Variants in GLIS2 observed in about 807,000 individuals in gnomAD.
GLIS2 encodes zinc finger protein GLIS2.
Under a neutral mutation model 35.6 loss-of-function variants are expected in GLIS2, and 14 were observed. The ratio of observed to expected loss-of-function variants is 0.39; its 90% CI spans 0.26 to 0.61. The LOEUF is 0.61. Ranked by LOEUF, GLIS2 falls within the 20% of genes least tolerant of loss-of-function variation. GLIS2 has a pLI of 0.48. For synonymous variants in GLIS2, 368 were observed against 325.1 expected (o/e 1.13, Z -1.42); for missense variants, 675 against 713.4 (o/e 0.95, Z 0.61).
In GLIS2 at chr16:4,336,652, G is replaced by A. The variant is rs904249238; in HGVS notation, c.776-73G>A. On this transcript the variant is annotated intron_variant, in intron 6 of 6. Transcript: ENST00000433375. ...CAGGGAGTGCTTGGCCCGGGGAAAT[G>A]TTGAGTGCATGGGGTGAGACCCAGG... 2.8e-6 allele frequency: 4 copies of A among 1,453,214 alleles called. No homozygotes were observed. The African/African-American group carries it at 5.6e-5, about 20-fold the overall frequency. 90.0% of individuals were successfully genotyped at this position (1,453,214 alleles called of 1,614,324 possible). A position where few individuals can be genotyped will look rare whatever the true frequency, so the allele number is the denominator to read the frequency against.
Position 4,338,043 on chromosome 16 carries a change from T to A in GLIS2, c.*519T>A. Reference sequence around the variant, plus strand: ...CCTTGGACCCCTTTCCCTCTGACCCTGCCTCCAGAGGGAAAGCAAGACAGA... The same window carrying A: ...CCTTGGACCCCTTTCCCTCTGACCCAGCCTCCAGAGGGAAAGCAAGACAGA... On this transcript the variant is annotated 3_prime_UTR_variant, in exon 7 of 7. Transcript: ENST00000433375. The A allele has an allele frequency of 5.3e-6, 1 of 189,732 alleles. No homozygotes were observed. The highest frequency in any genetic ancestry group is 1.1e-5 in the Non-Finnish European group (1 of 90,668). The allele number at this position is 189,732 out of a possible 1,614,324, so 11.8% of individuals were successfully genotyped here.
At chr16:4,330,968 T>C (rs1403161980) in intron 1 of GLIS2, among the ~76,000 whole-genome samples, 1 of 150,478 alleles carries the variant, frequency 6.6e-6, no homozygotes, top group Non-Finnish European at 1.5e-5. Context: ...TAAAAGCGTT[T>C]GGCTTTTTGT....
rs1268128848 is a variant in GLIS2 at position 4,337,180 on chromosome 16, C to G, written c.1231C>G (p.Leu411Val). The G allele has an allele frequency of 6.5e-7, 1 of 1,543,890 alleles. No homozygotes were observed. The highest frequency in any genetic ancestry group is 1.4e-5 in the African/African-American group (1 of 73,006). Residue 411 changes from leucine (L) to valine (V), a missense_variant, in exon 7 of 7, where the codon CTG (leucine) becomes GTG (valine). Physicochemically the swap from Leu to Val is conservative, Grantham distance 32. Coordinates refer to ENST00000433375, the MANE Select transcript of GLIS2 (RefSeq NM_032575.3). ...GLPGPVLPLN[L>V]AKNPLLPSPF... ...GCCAGGCCCCGTCCTGCCTCTCAATCTGGCCAAGAACCCGCTGCTGCCCTC... is the reference window on the plus strand; with the variant it reads ...GCCAGGCCCCGTCCTGCCTCTCAATGTGGCCAAGAACCCGCTGCTGCCCTC...
chr16:4,324,070 C>CGGCAGAG (rs1322899558), intron 1 of GLIS2, among the ~76,000 whole-genome samples: 1 of 152,204 alleles, frequency 6.6e-6, no homozygotes, highest in Non-Finnish European at 1.5e-5. Flanking sequence ...GAGGACCCCA[C>CGGCAGAG]GGCAGAGGGC....
chr16:4,336,580 T>C (rs1292842575), intron 6 of GLIS2, 145 bp from the exon 7 acceptor site: 2 of 806,976 alleles, frequency 2.5e-6, no homozygotes, highest in East Asian at 2.7e-5. Context: ...TCTCATGCCA[T>C]GTGCTGGGGA....
chr16:4,321,179 G>C (rs1169877820), intron 1 of GLIS2, among the ~76,000 whole-genome samples: 2 of 152,200 alleles, frequency 1.3e-5, no homozygotes, highest in Non-Finnish European at 2.9e-5. Flanking sequence ...GGCGTGGCAG[G>C]AGATGGAGCT....
chr16:4,320,462 G>A lies in GLIS2; in HGVS notation c.-67+4208G>A, dbSNP rs914751872. ...GAGACATTTGAGGGTTTGGCCCGAGGTCACTCCCAATCGGGGAAGAACAGA... is the reference window on the plus strand; with the variant it reads ...GAGACATTTGAGGGTTTGGCCCGAGATCACTCCCAATCGGGGAAGAACAGA... On this transcript the variant is annotated intron_variant, in intron 1 of 6. Transcript: ENST00000433375. The surrounding 1 kb of genome is among the most constrained non-coding windows in gnomAD (Gnocchi z 5.6). 2.0e-5 allele frequency among the ~76,000 whole-genome samples: 3 copies of A among 152,174 alleles called. No individual in the cohort carries two copies. Among genetic ancestry groups the A allele is most frequent in the African/African-American group, 7.2e-5 (3 of 41,446 alleles).
chr16:4,324,090 C>A (rs1244882874), intron 1 of GLIS2, among the ~76,000 whole-genome samples: 1 of 152,210 alleles, frequency 6.6e-6, no homozygotes, highest in East Asian at 1.9e-4. Context: ...CAGAGGTCAG[C>A]CCTGGCTGGG....
In GLIS2 at chr16:4,320,312, G is replaced by A. The variant is rs1385347394; in HGVS notation, c.-67+4058G>A. Among the ~76,000 whole-genome samples the A allele has an allele frequency of 2.6e-5, 4 of 152,126 alleles. No homozygotes were observed. The highest frequency in any genetic ancestry group is 7.2e-5 in the African/African-American group (3 of 41,424). On this transcript the variant is annotated intron_variant, in intron 1 of 6. Transcript: ENST00000433375. The surrounding 1 kb of genome is among the most constrained non-coding windows in gnomAD (Gnocchi z 5.6). ...GTCAGCCCCCGGCCGGGAGCCTCCGGAAAACAGTCCTGCCCGTCACATGGA... is the reference window on the plus strand; with the variant it reads ...GTCAGCCCCCGGCCGGGAGCCTCCGAAAAACAGTCCTGCCCGTCACATGGA...
intron 6 of GLIS2, 157 bp from the exon 7 acceptor site, chr16:4,336,568 G>C: frequency 1.3e-6 from 1 of 769,018 alleles, no homozygotes; most frequent in Non-Finnish European, 2.2e-6. Context: ...CCTGGGGGCA[G>C]ATCTCATGCC....
intron 1 of GLIS2, among the ~76,000 whole-genome samples, chr16:4,324,176 GC>G: frequency 6.6e-6 from 1 of 152,300 alleles, no homozygotes; most frequent in African/African-American, 2.4e-5. Context: ...CTGGCTGAGT[GC>G]CCCGTCTTGG....
chr16:4,337,339 C>A lies in GLIS2; in HGVS notation c.1390C>A (p.Pro464Thr). 6.3e-7 allele frequency: 1 copy of A among 1,587,982 alleles called. No homozygotes were observed. The highest frequency in any genetic ancestry group is 1.3e-5 in the African/African-American group (1 of 74,492). Residue 464 changes from proline (P) to threonine (T), a missense_variant, in exon 7 of 7, where the codon CCC (proline) becomes ACC (threonine). Physicochemically the swap from Pro to Thr is conservative, Grantham distance 38. Coordinates refer to ENST00000433375, the MANE Select transcript of GLIS2 (RefSeq NM_032575.3). ...CCTGGGCATGGAGGGCCACAAGACG[C>A]CCCTTGAAAGGACGGAGAGCAGCTG... ...RALGMEGHKT[P>T]LERTESSCSR...
rs887857146 is a variant in GLIS2, at chr16:4,320,273, G to A, written c.-67+4019G>A. Among the ~76,000 whole-genome samples, 11 of 152,134 alleles carry A rather than the reference G, an allele frequency of 7.2e-5. No homozygotes were observed. Among genetic ancestry groups the A allele is most frequent in the Admixed American group, 2.6e-4 (4 of 15,284 alleles). On this transcript the variant is annotated intron_variant, in intron 1 of 6. Transcript: ENST00000433375. The surrounding 1 kb of genome is among the most constrained non-coding windows in gnomAD (Gnocchi z 5.6). ...AAGCCAGCAGAGGCCCCAGGAGACCGCTGAGTGGACTGAGTCAGCCCCCGG... is the reference window on the plus strand; with the variant it reads ...AAGCCAGCAGAGGCCCCAGGAGACCACTGAGTGGACTGAGTCAGCCCCCGG...
intron 1 of GLIS2, among the ~76,000 whole-genome samples, chr16:4,330,548 G>A (rs913394697): frequency 2.0e-5 from 3 of 152,166 alleles, no homozygotes; most frequent in African/African-American, 7.2e-5. Context: ...CAGGGAGGGC[G>A]GTGGGGCCCC....
At chr16:4,325,103 T>G (rs1270013992) in intron 1 of GLIS2, among the ~76,000 whole-genome samples, 2 of 152,172 alleles carry the variant, frequency 1.3e-5, no homozygotes, top group African/African-American at 4.8e-5. Context: ...CCCTCGGCTC[T>G]CCAAGCCTCC....
chr16:4,316,236 G>A lies in GLIS2; in HGVS notation c.-85G>A, dbSNP rs1460204554. Among the ~76,000 whole-genome samples the A allele has an allele frequency of 7.3e-6, 1 of 137,326 alleles. No homozygotes were observed. Among genetic ancestry groups the A allele is most frequent in the African/African-American group, 2.6e-5 (1 of 37,782 alleles). The allele number at this position is 137,326 out of a possible 152,430, so 90.1% of individuals were successfully genotyped here. ...CGCCGGAGCCCGCAGCCCGGATCCC[G>A]ACCGCCCCCGCCGCTGAGGTAGGAA... On this transcript the variant is annotated 5_prime_UTR_variant, in exon 1 of 7. Coordinates refer to ENST00000433375, the MANE Select transcript of GLIS2 (RefSeq NM_032575.3).
chr16:4,337,276 G>T lies in GLIS2; in HGVS notation c.1327G>T (p.Glu443Ter). Residue 443 changes from glutamate to a stop codon, truncating the protein, a stop_gained, in exon 7 of 7, where the codon GAG becomes TAG. Coordinates refer to ENST00000433375, the MANE Select transcript of GLIS2 (RefSeq NM_032575.3). LOFTEE classifies it high-confidence loss of function. Reference sequence around the variant, plus strand: ...TGCTGGCGCAGCTGGTGGCAAGGCCGAGGGGGAGAAGGGGCGTGGGTCGGT... The same window carrying T: ...TGCTGGCGCAGCTGGTGGCAAGGCCTAGGGGGAGAAGGGGCGTGGGTCGGT... ...LLAGAAGGKA[E>*]GEKGRGSVPT... The T allele has an allele frequency of 6.4e-7, 1 of 1,550,976 alleles. No homozygotes were observed.
chr16:4,335,324 C>A lies in GLIS2; in HGVS notation c.706C>A (p.Arg236Ser). 2.5e-6 allele frequency: 4 copies of A among 1,613,852 alleles called. No homozygotes were observed. Among genetic ancestry groups the A allele is most frequent in the Non-Finnish European group, 3.4e-6 (4 of 1,180,026 alleles). Reference protein sequence around the residue: ...IRTHTNEKPHRCPTCSKSFSR... With the variant: ...IRTHTNEKPHSCPTCSKSFSR... The stretch of plus-strand genomic sequence containing the variant: ...CACACACACCAACGAGAAGCCACAC[C>A]GCTGTCCGACCTGCAGCAAGAGCTT... Residue 236 changes from arginine (R) to serine (S), a missense_variant, in exon 6 of 7, where the codon CGC becomes AGC. This residue lies in a region of GLIS2 where 133 missense variants were observed against 191.4 expected (regional missense o/e 0.69). Transcript: ENST00000433375. The surrounding 1 kb of genome is among the most constrained non-coding windows in gnomAD (Gnocchi z 4.6).
rs1596240557 is a variant in GLIS2 at position 4,333,425 on chromosome 16, C to T, written c.251C>T (p.Ser84Leu). The change falls in exon 3 of 7, where the codon TCA becomes TTA. Residue 84 changes from serine (S) to leucine (L), a missense_variant. Ser to Leu is a moderately radical substitution (Grantham distance 145). Transcript: ENST00000433375. Reference protein sequence around the residue: ...SAAPLVDLSLSPPSGLDSPNG... With the variant: ...SAAPLVDLSLLPPSGLDSPNG... Reference sequence around the variant, plus strand: ...GCCCCTCTCGTGGACCTCAGCCTGTCACCACCATCTGGGCTGGACTCCCCC... The same window carrying T: ...GCCCCTCTCGTGGACCTCAGCCTGTTACCACCATCTGGGCTGGACTCCCCC... 6.2e-7 allele frequency: 1 copy of T among 1,613,052 alleles called. No individual in the cohort carries two copies. Among genetic ancestry groups the T allele is most frequent in the Non-Finnish European group, 8.5e-7 (1 of 1,180,020 alleles).
Sources: allele counts gnomAD v4.1 joint callset (sites outside exome capture counted in the v4.1 genomes callset), GRCh38; gene constraint gnomAD v4.1.1; regional missense constraint gnomAD v4.1.1; non-coding constraint Gnocchi (gnomAD v3.1); transcripts MANE v1.5; gene names NCBI Gene and HGNC (gene_info 2026-07-23, HGNC 2026-07-21).